Variants in DLAT observed in about 807,000 individuals in gnomAD.
The protein encoded by DLAT is dihydrolipoamide S-acetyltransferase.
A neutral mutation model predicts 68.0 loss-of-function variants in DLAT; 43 were observed. The observed-to-expected ratio is 0.63, with a 90% CI of 0.50 to 0.81. The LOEUF is 0.81. Ranked by LOEUF, DLAT falls within the 40% of genes least tolerant of loss-of-function variation. The pLI, the probability that DLAT is intolerant of heterozygous loss-of-function variation, is 0.00. For missense variants in DLAT, 745 were observed against 815.4 expected (o/e 0.91, Z 1.05); for synonymous variants, 265 against 288.6 (o/e 0.92, Z 0.83).
intron 10 of DLAT, among the ~76,000 whole-genome samples, chr11:112,049,008 C>G (rs1156277227): frequency 2.3e-4 from 23 of 100,638 alleles, no homozygotes; most frequent in Middle Eastern, 0.013. Context: ...AAGACAGAGT[C>G]TTGCTCTGTC....
chr11:112,036,905 A>C (rs1862807903), intron 5 of DLAT: 2 of 252,868 alleles, frequency 7.9e-6, no homozygotes, highest in Non-Finnish European at 1.5e-5. Flanking sequence ...GTGAGTCTGC[A>C]TGGGGACTGT....
intron 7 of DLAT, among the ~76,000 whole-genome samples, chr11:112,041,638 T>C (rs1290235272): frequency 6.6e-6 from 1 of 152,110 alleles, no homozygotes; most frequent in Non-Finnish European, 1.5e-5. Context: ...ATCCCAGCAC[T>C]TTGGGAGGCC....
chr11:112,028,145 C>G (rs1862180437), intron 2 of DLAT, among the ~76,000 whole-genome samples: 1 of 152,134 alleles, frequency 6.6e-6, no homozygotes, highest in African/African-American at 2.4e-5. Flanking sequence ...CAAGGCGTTT[C>G]TAAAGTAATT....
Position 112,063,567 on chromosome 11 carries a change from A to G in DLAT, c.*1032A>G, listed in dbSNP as rs1555183535. On this transcript the variant is annotated 3_prime_UTR_variant, in exon 14 of 14. Coordinates refer to ENST00000280346, the MANE Select transcript of DLAT (RefSeq NM_001931.5). ...AGTGCTTAAAAATGCCAAAAACAAA[A>G]TGGTAATTTCTACTTTGATAAAGTA... The G allele has an allele frequency of 6.6e-6, 1 of 152,558 alleles. No homozygotes were observed. The highest frequency in any genetic ancestry group is 1.5e-5 in the Non-Finnish European group (1 of 67,994). The allele number at this position is 152,558 out of a possible 1,614,324, so 9.5% of individuals were successfully genotyped here. A position where few individuals can be genotyped will look rare whatever the true frequency, so the allele number is the denominator to read the frequency against.
At chr11:112,054,270 T>G (rs1555182270) in intron 11 of DLAT, among the ~76,000 whole-genome samples, 2 of 152,062 alleles carry the variant, frequency 1.3e-5, no homozygotes, top group East Asian at 3.9e-4. Context: ...GAGCTGGGAT[T>G]GCACGCGCCA....
intron 10 of DLAT, among the ~76,000 whole-genome samples, chr11:112,046,532 G>A (rs1347387089): frequency 6.6e-6 from 1 of 151,522 alleles, no homozygotes; most frequent in African/African-American, 2.4e-5. Context: ...TTGTTACATA[G>A]GTATACACGT....
chr11:112,047,525 A>G (rs1346436274), intron 10 of DLAT, among the ~76,000 whole-genome samples: 2 of 152,236 alleles, frequency 1.3e-5, no homozygotes, highest in South Asian at 2.1e-4. Flanking sequence ...TGTTTTAGTC[A>G]TGAAGTCTTT....
chr11:112,055,949 C>T (rs143935783), intron 11 of DLAT, among the ~76,000 whole-genome samples: 399 of 136,064 alleles, frequency 2.9e-3, no homozygotes, highest in African/African-American at 1.0e-2. Context: ...CTCATTGCAA[C>T]CTCCGCCTCC....
chr11:112,028,896 C>T lies in DLAT; in HGVS notation c.611C>T (p.Pro204Leu). 1.2e-6 allele frequency: 2 copies of T among 1,614,210 alleles called. No homozygotes were observed. Among genetic ancestry groups the T allele is most frequent in the Non-Finnish European group, 1.7e-6 (2 of 1,180,036 alleles). ...ACCCCTGCTGCCACTGCTTCGCCAC[C>T]TACACCTTCTGCTCAGGCTCCTGGT... Reference protein sequence around the residue: ...APTPAATASPPTPSAQAPGSS... With the variant: ...APTPAATASPLTPSAQAPGSS... Residue 204 changes from proline (P) to leucine (L), a missense_variant, in exon 4 of 14, where the codon CCT (proline) becomes CTT (leucine). Coordinates refer to ENST00000280346, the MANE Select transcript of DLAT (RefSeq NM_001931.5).
At chr11:112,048,969 ATTTTTTTT>A (rs34651095) in intron 10 of DLAT, among the ~76,000 whole-genome samples, 3 of 93,668 alleles carry the variant, frequency 3.2e-5, no homozygotes, top group African/African-American at 1.3e-4. Context: ...TTTTCTCAAG[ATTTTTTTT>A]TTTTTTTTTT....
chr11:112,057,604 CAG>C (rs1555182717), intron 11 of DLAT, among the ~76,000 whole-genome samples: 1 of 152,204 alleles, frequency 6.6e-6, no homozygotes, highest in Non-Finnish European at 1.5e-5. Flanking sequence ...AAGCTTAATT[CAG>C]AGCAAGGCCC....
chr11:112,037,227 T>G (rs782386721), intron 5 of DLAT, 46 bp from the exon 6 acceptor site: 1 of 1,548,042 alleles, frequency 6.5e-7, no homozygotes, highest in Admixed American at 1.7e-5. Flanking sequence ...TTTGGAGGGA[T>G]AGTGGAATCT....
At chr11:112,059,102 C>T (rs1393505186) in intron 11 of DLAT, among the ~76,000 whole-genome samples, 3 of 151,802 alleles carry the variant, frequency 2.0e-5, no homozygotes, top group East Asian at 3.9e-4. Flanking sequence ...TTCTGAGGTA[C>T]CACCACCCAT....
chr11:112,033,549 T>C lies in DLAT; in HGVS notation c.787+19T>C. On this transcript the variant is annotated intron_variant, in intron 5 of 13. Coordinates refer to ENST00000280346, the MANE Select transcript of DLAT (RefSeq NM_001931.5). ...ACTATAGGTGAGATTTCTTCAGCTC[T>C]TAATGGTTGAGGCACTGAGTTTCCC... 1.2e-6 allele frequency: 2 copies of C among 1,613,012 alleles called. No individual in the cohort carries two copies. The highest frequency in any genetic ancestry group is 1.7e-6 in the Non-Finnish European group (2 of 1,179,374).
In DLAT at chr11:112,026,304, GTTTT is replaced by G. The variant is rs5794771; in HGVS notation, c.381+19_381+22del. Reference sequence around the variant, plus strand: ...GAAGGTGACCTAATTGCAGAGGTAAGTTTTTTTTTTTTTTTTTAATTAATTTATT... The same window carrying G: ...GAAGGTGACCTAATTGCAGAGGTAAGTTTTTTTTTTTTTAATTAATTTATT... On this transcript the variant is annotated splice_donor_region_variant and intron_variant, in intron 2 of 13. Transcript: ENST00000280346. The G allele has an allele frequency of 1.7e-5, 18 of 1,038,322 alleles. No homozygotes were observed. The highest frequency in any genetic ancestry group is 1.0e-4 in the East Asian group (3 of 29,846). 64.3% of individuals were successfully genotyped at this position (1,038,322 alleles called of 1,614,324 possible).
intron 10 of DLAT, among the ~76,000 whole-genome samples, chr11:112,047,187 G>T (rs1408814709): frequency 6.6e-6 from 1 of 152,148 alleles, no homozygotes; most frequent in Non-Finnish European, 1.5e-5. Context: ...AACTCACTGT[G>T]GTTTTGATTT....
Position 112,025,414 on chromosome 11 carries a change from C to T in DLAT, c.-59C>T. 1 of 1,572,664 alleles carries T rather than the reference C, an allele frequency of 6.4e-7. No individual in the cohort carries two copies. Among genetic ancestry groups the T allele is most frequent in the South Asian group, 1.1e-5 (1 of 87,708 alleles). ...TGTGGCTGACGGCAACGCCGCTGCTCTTGGAGAGGTCACTCCGGAGACGGC... is the reference window on the plus strand; with the variant it reads ...TGTGGCTGACGGCAACGCCGCTGCTTTTGGAGAGGTCACTCCGGAGACGGC... On this transcript the variant is annotated 5_prime_UTR_variant, in exon 1 of 14. Transcript: ENST00000280346.
intron 5 of DLAT, among the ~76,000 whole-genome samples, chr11:112,036,239 G>A (rs1318938475): frequency 1.2e-5 from 1 of 81,150 alleles, no homozygotes; most frequent in African/African-American, 4.7e-5. Context: ...TTGAGACGGA[G>A]TTTCGCTCTT....
chr11:112,025,872 C>A, intron 1 of DLAT, 121 bp downstream of exon 1: 1 of 1,325,060 alleles, frequency 7.5e-7, no homozygotes, highest in Non-Finnish European at 1.0e-6. Context: ...TGCTTTGGCC[C>A]TTTGTCCAAT....
Sources: gnomAD v4.1 joint callset for allele counts (sites outside exome capture counted in the v4.1 genomes callset) on GRCh38, gnomAD v4.1.1 for gene constraint, MANE v1.5 for transcripts, NCBI Gene and HGNC (gene_info 2026-07-23, HGNC 2026-07-21) for gene names.